Variants in ZCWPW2 observed in about 807,000 individuals in gnomAD.
The protein encoded by ZCWPW2 is zinc finger CW-type and PWWP domain containing 2, also known as zinc finger CW-type PWWP domain protein 2.
ZCWPW2 carries 45 observed loss-of-function variants against 46.6 expected under a neutral mutation model. That is an observed-to-expected ratio of 0.96 (90% CI 0.76 to 1.24). ZCWPW2 has a LOEUF of 1.24. ZCWPW2 is among the 50% of genes most tolerant of loss of function. The probability of loss-of-function intolerance (pLI) is 0.00; values close to 1 mark genes in which losing one functional copy is unlikely to be tolerated. For missense variants in ZCWPW2, 429 were observed against 403.9 expected (o/e 1.06, Z -0.53); for synonymous variants, 152 against 137.1 (o/e 1.11, Z -0.76).
chr3:28,404,470 T>C (rs1276099653), intron 2 of ZCWPW2, among the ~76,000 whole-genome samples: 1 of 152,152 alleles, frequency 6.6e-6, no homozygotes, highest in African/African-American at 2.4e-5. Flanking sequence ...GTGTGGAGAT[T>C]CCGTAAAGAA....
At chr3:28,382,822 A>C (rs1478147947) in intron 1 of ZCWPW2, among the ~76,000 whole-genome samples, 2 of 152,160 alleles carry the variant, frequency 1.3e-5, no homozygotes, top group Non-Finnish European at 2.9e-5. Flanking sequence ...ATATTATATT[A>C]ATTGTATGGT....
intron 1 of ZCWPW2, among the ~76,000 whole-genome samples, chr3:28,361,580 C>T (rs2125693780): frequency 6.6e-6 from 1 of 151,796 alleles, no homozygotes; most frequent in South Asian, 2.1e-4. Flanking sequence ...AAAGAAACAA[C>T]AGAGTGAAAA....
chr3:28,460,063 A>C (rs1358964302), intron 4 of ZCWPW2, among the ~76,000 whole-genome samples: 1 of 152,116 alleles, frequency 6.6e-6, no homozygotes, highest in Non-Finnish European at 1.5e-5. Context: ...GGGAGTACCC[A>C]GTTAGGAATT....
intron 2 of ZCWPW2, chr3:28,398,062 C>T (rs1695775786): frequency 6.6e-6 from 1 of 152,182 alleles, no homozygotes; most frequent in Non-Finnish European, 1.5e-5. Flanking sequence ...GCTGCTATAA[C>T]AAATTACCGT....
chr3:28,367,276 G>A (rs1435713931), intron 1 of ZCWPW2, among the ~76,000 whole-genome samples: 1 of 152,098 alleles, frequency 6.6e-6, no homozygotes, highest in Non-Finnish European at 1.5e-5. Flanking sequence ...TCTCTTGTGG[G>A]CATTCAGTGC....
At chr3:28,435,380 T>G (rs1021420218) in intron 4 of ZCWPW2, 111 bp downstream of exon 4, 26 of 915,094 alleles carry the variant, frequency 2.8e-5, no homozygotes, top group Non-Finnish European at 4.0e-5. Flanking sequence ...TGATATAATG[T>G]ATGCTGTTTA....
At chr3:28,355,932 G>A (rs377547308) in intron 1 of ZCWPW2, among the ~76,000 whole-genome samples, 10,616 of 123,930 alleles carry the variant, frequency 0.086, no homozygotes, top group Admixed American at 0.12. Flanking sequence ...TCAGGACATA[G>A]GCATGGGCAA....
At chr3:28,449,767 C>T (rs1370632147) in intron 4 of ZCWPW2, among the ~76,000 whole-genome samples, 1 of 152,086 alleles carries the variant, frequency 6.6e-6, no homozygotes, top group Non-Finnish European at 1.5e-5. Flanking sequence ...TAACCATGAA[C>T]ATGTGCTGCA....
intron 4 of ZCWPW2, among the ~76,000 whole-genome samples, chr3:28,470,510 AAAG>A (rs1484252533): frequency 3.5e-5 from 5 of 142,578 alleles, no homozygotes; most frequent in South Asian, 2.1e-4. Flanking sequence ...AAAAAAAAAA[AAAG>A]GAAGGAAATT....
At chr3:28,500,876 A>G (rs1173712920) in intron 6 of ZCWPW2, among the ~76,000 whole-genome samples, 3 of 152,196 alleles carry the variant, frequency 2.0e-5, no homozygotes, top group Admixed American at 1.3e-4. Context: ...AGAAAAGAAT[A>G]GCAAGGAGCA....
At chr3:28,484,789 C>T (rs1324381696) in intron 5 of ZCWPW2, among the ~76,000 whole-genome samples, 2 of 150,528 alleles carry the variant, frequency 1.3e-5, no homozygotes, top group African/African-American at 4.9e-5. Flanking sequence ...GTCCTGTCTT[C>T]CTTCCTTCTT....
chr3:28,380,215 A>G (rs1694987005), intron 1 of ZCWPW2, among the ~76,000 whole-genome samples: 1 of 151,804 alleles, frequency 6.6e-6, no homozygotes, highest in African/African-American at 2.4e-5. Context: ...CGATCTCCTG[A>G]CCTCATGATC....
At chr3:28,510,443 C>A (rs1700396764) in intron 6 of ZCWPW2, among the ~76,000 whole-genome samples, 1 of 152,080 alleles carries the variant, frequency 6.6e-6, no homozygotes, top group Non-Finnish European at 1.5e-5. Flanking sequence ...TCCTCTTTTT[C>A]TTTACTCCAT....
intron 6 of ZCWPW2, among the ~76,000 whole-genome samples, chr3:28,505,653 A>G (rs1444906148): frequency 6.6e-6 from 1 of 152,154 alleles, no homozygotes; most frequent in Non-Finnish European, 1.5e-5. Flanking sequence ...AAGGGAAATG[A>G]GGATATTGGC....
chr3:28,515,715 C>CTGTGTG lies in ZCWPW2; in HGVS notation c.784+120_784+125dup, dbSNP rs10539082. 4.2e-4 allele frequency: 281 copies of CTGTGTG among 666,522 alleles called. 2 individuals carry two copies. The highest frequency in any genetic ancestry group is 9.3e-4 in the African/African-American group (47 of 50,606). The allele number at this position is 666,522 out of a possible 1,614,324, so 41.3% of individuals were successfully genotyped here. A position where few individuals can be genotyped will look rare whatever the true frequency, so the allele number is the denominator to read the frequency against. ...CCTTTGAAGGAAAAAAAAAGATTTC[C>CTGTGTG]TGTGTGTGTGTGTGTGTGTGTGTGT... On this transcript the variant is annotated intron_variant, in intron 8 of 9. Coordinates refer to ENST00000383768, the MANE Select transcript of ZCWPW2 (RefSeq NM_001040432.4).
chr3:28,479,462 G>C (rs1453038252), intron 5 of ZCWPW2, among the ~76,000 whole-genome samples: 3 of 151,978 alleles, frequency 2.0e-5, no homozygotes, highest in African/African-American at 7.2e-5. Flanking sequence ...TCAATACTAT[G>C]GTATATAGTT....
chr3:28,474,804 T>TTTGTTG lies in ZCWPW2; in HGVS notation c.493-3977_493-3972dup, dbSNP rs139673277. On this transcript the variant is annotated intron_variant, in intron 4 of 9. Coordinates refer to ENST00000383768, the MANE Select transcript of ZCWPW2 (RefSeq NM_001040432.4). The stretch of plus-strand genomic sequence containing the variant: ...GTCTCATGTCAGTATGTCTGAACTA[T>TTTGTTG]TTGTTGTTGTTGTTGTTGTTGTTGT... Among the ~76,000 whole-genome samples, 185 of 148,942 alleles carry TTTGTTG rather than the reference T, an allele frequency of 1.2e-3. 1 individual carries two copies. The highest frequency in any genetic ancestry group is 4.3e-3 in the East Asian group (21 of 4,894).
intron 1 of ZCWPW2, among the ~76,000 whole-genome samples, chr3:28,385,577 A>G (rs760021237): frequency 6.6e-6 from 1 of 152,192 alleles, no homozygotes; most frequent in Non-Finnish European, 1.5e-5. Context: ...ATCAGTACAC[A>G]TGATTAGACT....
chr3:28,351,002 C>T (rs949704323), intron 1 of ZCWPW2, among the ~76,000 whole-genome samples: 8 of 151,336 alleles, frequency 5.3e-5, no homozygotes, highest in Non-Finnish European at 1.0e-4. Flanking sequence ...TCATATTTTC[C>T]CAAGAGGGAG....
Sources: gnomAD v4.1 joint callset for allele counts (sites outside exome capture counted in the v4.1 genomes callset) on GRCh38, gnomAD v4.1.1 for gene constraint, MANE v1.5 for transcripts, NCBI Gene and HGNC (gene_info 2026-07-23, HGNC 2026-07-21) for gene names.